RANBP2: variants seen among roughly 807,000 people sequenced by gnomAD.
RANBP2 encodes the protein E3 SUMO-protein ligase RanBP2.
RANBP2 carries 57 observed loss-of-function variants against 303.6 expected under a neutral mutation model. The observed-to-expected ratio is 0.19, with a 90% CI of 0.15 to 0.23. RANBP2 has a LOEUF of 0.23. Ranked by LOEUF, RANBP2 falls within the 10% of genes least tolerant of loss-of-function variation. The pLI is 1.00. For missense variants in RANBP2, 3,138 were observed against 3,780.8 expected, an observed-to-expected ratio of 0.83 and a Z score of 4.46; for synonymous variants, 1,167 against 1,301.5, an observed-to-expected ratio of 0.90 and a Z score of 2.23.
chr2:109,676,120 A>G, the RANBP2 span, among the ~76,000 whole-genome samples: 1 of 152,146 alleles, frequency 6.6e-6, no homozygotes, highest in African/African-American at 2.4e-5. Flanking sequence ...AGCCTTTCCC[A>G]ACCAGCTGGT....
At chr2:109,316,919 T>G in the RANBP2 span, among the ~76,000 whole-genome samples, 1 of 152,230 alleles carries the variant, frequency 6.6e-6, no homozygotes, top group East Asian at 1.9e-4. Flanking sequence ...CTTTTCAGAC[T>G]GGCTTCTCTC....
chr2:108,841,785 T>G, the RANBP2 span, among the ~76,000 whole-genome samples: 1 of 152,292 alleles, frequency 6.6e-6, no homozygotes, highest in Admixed American at 6.5e-5. Context: ...TTTTAACTAC[T>G]GGGTGGTTCT....
chr2:109,288,982 A>G, the RANBP2 span, among the ~76,000 whole-genome samples: 1 of 152,234 alleles, frequency 6.6e-6, no homozygotes, highest in Non-Finnish European at 1.5e-5. Flanking sequence ...TATCAAGGAC[A>G]TAAAAAATCA....
the RANBP2 span, among the ~76,000 whole-genome samples, chr2:109,089,077 C>G: frequency 6.6e-6 from 1 of 151,784 alleles, no homozygotes. Context: ...AAGTAAAGAA[C>G]AGGGGAAGCA....
the RANBP2 span, chr2:109,616,080 TTAGAAAATGCAAAGGTTTATTTG>T: frequency 1.3e-6 from 2 of 1,494,324 alleles, no homozygotes; most frequent in Non-Finnish European, 1.8e-6. Context: ...ATTGCTTCTT[TTAGAAAATGCAAAGGTTTATTTG>T]TCTTAATAAA....
At chr2:109,177,676 C>T in the RANBP2 span, among the ~76,000 whole-genome samples, 1 of 152,128 alleles carries the variant, frequency 6.6e-6, no homozygotes, top group Non-Finnish European at 1.5e-5. Context: ...AGAGATCCTG[C>T]TTGTGTAGTA....
chr2:109,468,542 C>T, the RANBP2 span, among the ~76,000 whole-genome samples: 1 of 152,048 alleles, frequency 6.6e-6, no homozygotes, highest in Non-Finnish European at 1.5e-5. Context: ...CGAGCACAAA[C>T]GATGACCAGT....
chr2:109,196,885 G>A, the RANBP2 span, among the ~76,000 whole-genome samples: 1 of 152,190 alleles, frequency 6.6e-6, no homozygotes, highest in Non-Finnish European at 1.5e-5. Context: ...CTTCCTTTGA[G>A]GACCCCGGCA....
chr2:109,281,874 T>A, the RANBP2 span, among the ~76,000 whole-genome samples: 3 of 152,094 alleles, frequency 2.0e-5, no homozygotes, highest in Non-Finnish European at 4.4e-5. Flanking sequence ...GAGCTGACGG[T>A]TCCCACTGAG....
At chr2:108,756,102 CTG>C (rs1487121412) in intron 17 of RANBP2, among the ~76,000 whole-genome samples, 1 of 152,134 alleles carries the variant, frequency 6.6e-6, no homozygotes, top group Admixed American at 6.5e-5. Context: ...AAGGTAGAAA[CTG>C]TTTTATTTAA....
the RANBP2 span, among the ~76,000 whole-genome samples, chr2:109,391,360 G>A: frequency 6.6e-6 from 1 of 152,224 alleles, no homozygotes; most frequent in Admixed American, 6.5e-5. Context: ...GGACAGGATG[G>A]GAAAGGCACA....
At chr2:109,130,815 T>G in the RANBP2 span, among the ~76,000 whole-genome samples, 1 of 152,160 alleles carries the variant, frequency 6.6e-6, no homozygotes, top group East Asian at 1.9e-4. Flanking sequence ...CTTCGCTGCT[T>G]CTGTTTTAGA....
the RANBP2 span, among the ~76,000 whole-genome samples, chr2:109,096,800 C>CTT: frequency 7.0e-6 from 1 of 142,610 alleles, no homozygotes; most frequent in African/African-American, 2.6e-5. Context: ...TTTGGAAACG[C>CTT]TTTTTTTTTT....
chr2:109,463,538 C>T, the RANBP2 span, among the ~76,000 whole-genome samples: 1 of 152,194 alleles, frequency 6.6e-6, no homozygotes, highest in Non-Finnish European at 1.5e-5. Flanking sequence ...AAGGCGTGTC[C>T]TCTGGACCCT....
chr2:109,266,566 G>A, the RANBP2 span, among the ~76,000 whole-genome samples: 1 of 152,064 alleles, frequency 6.6e-6, no homozygotes, highest in Non-Finnish European at 1.5e-5. Flanking sequence ...TGACACCAGG[G>A]ACGTTTTGTG....
downstream of RANBP2, chr2:108,788,145 G>A (rs1573887087): frequency 1.3e-6 from 2 of 1,564,790 alleles, no homozygotes; most frequent in Admixed American, 2.0e-5. Flanking sequence ...GAGGCTGGGC[G>A]CGGTGGCTCA....
At chr2:109,060,463 G>A in the RANBP2 span, among the ~76,000 whole-genome samples, 17 of 152,292 alleles carry the variant, frequency 1.1e-4, 1 homozygote, top group South Asian at 3.1e-3. Flanking sequence ...AAACTGGGGA[G>A]GGGAGAGAAT....
chr2:108,914,467 G>A, the RANBP2 span, among the ~76,000 whole-genome samples: 8 of 152,072 alleles, frequency 5.3e-5, no homozygotes, highest in Non-Finnish European at 2.9e-5. Context: ...TTAAAGCTAT[G>A]CTTCCCACAA....
chr2:108,936,137 A>G, the RANBP2 span, among the ~76,000 whole-genome samples: 1 of 152,252 alleles, frequency 6.6e-6, no homozygotes. Flanking sequence ...CTTGACTGTG[A>G]CGGTGCTACC....
Sources: allele counts gnomAD v4.1 joint callset (sites outside exome capture counted in the v4.1 genomes callset), GRCh38; gene constraint gnomAD v4.1.1; transcripts MANE v1.5; gene names NCBI Gene and HGNC (gene_info 2026-07-23, HGNC 2026-07-21).